The following STK32A variants were observed in gnomAD, a reference collection of about 807,000 sequenced individuals.
STK32A encodes serine/threonine-protein kinase 32A.
STK32A carries 41 observed loss-of-function variants against 53.2 expected under a neutral mutation model. The ratio of observed to expected loss-of-function variants is 0.77; its 90% confidence interval spans 0.60 to 1.00. STK32A has a LOEUF of 1.00. Ranked by LOEUF, STK32A falls within the 50% of genes least tolerant of loss-of-function variation. STK32A has a pLI of 0.00. For missense variants in STK32A, 458 were observed against 485.8 expected, an observed-to-expected ratio of 0.94 and a Z score of 0.54; for synonymous variants, 166 against 162.8, an observed-to-expected ratio of 1.02 and a Z score of -0.15.
chr5:147,336,660 T>G (rs1209356140), intron 5 of STK32A, among the ~76,000 whole-genome samples: 2 of 152,198 alleles, frequency 1.3e-5, no homozygotes, highest in East Asian at 1.9e-4. Flanking sequence ...CTTAGGAGGA[T>G]GATACCTAGT....
At chr5:147,377,284 T>A (rs2152006260) in intron 11 of STK32A, among the ~76,000 whole-genome samples, 1 of 152,254 alleles carries the variant, frequency 6.6e-6, no homozygotes, top group Admixed American at 6.5e-5. Flanking sequence ...TTCATTCCAA[T>A]TATTTCAGTC....
Position 147,384,445 on chromosome 5 carries a change from G to C in STK32A, c.*462G>C. 1.3e-6 allele frequency: 2 copies of C among 1,532,872 alleles called. No individual in the cohort carries two copies. The highest frequency in any genetic ancestry group is 1.7e-6 in the Non-Finnish European group (2 of 1,144,818). The allele number at this position is 1,532,872 out of a possible 1,614,324, so 95.0% of individuals were successfully genotyped here. A position where few individuals can be genotyped will look rare whatever the true frequency, so the allele number is the denominator to read the frequency against. ...CCTCGAAAGTTTCATAAAGTGGTCA[G>C]AATGCCCCAGGCTACTTGGATAAAG... On this transcript the variant is annotated 3_prime_UTR_variant, in exon 13 of 13. Coordinates refer to ENST00000397936, the MANE Select transcript of STK32A (RefSeq NM_001112724.2).
intron 5 of STK32A, among the ~76,000 whole-genome samples, chr5:147,337,289 C>T (rs1284830421): frequency 6.6e-6 from 1 of 152,182 alleles, no homozygotes; most frequent in Admixed American, 6.5e-5. Flanking sequence ...CCCTTTATCA[C>T]CCCCAAAATT....
intron 6 of STK32A, among the ~76,000 whole-genome samples, chr5:147,347,317 T>C (rs17106505): frequency 0.24 from 35,751 of 149,912 alleles, 5,493 homozygotes; most frequent in African/African-American, 0.44. Context: ...TCCCAAGCAA[T>C]AGAGGCAAAA....
intron 11 of STK32A, among the ~76,000 whole-genome samples, chr5:147,379,111 T>A (rs1375702345): frequency 6.6e-6 from 1 of 151,830 alleles, no homozygotes; most frequent in Non-Finnish European, 1.5e-5. Flanking sequence ...AGCAGTGGTT[T>A]GTATTTCTCC....
chr5:147,368,803 C>A (rs1247312403), intron 8 of STK32A, among the ~76,000 whole-genome samples: 2 of 152,014 alleles, frequency 1.3e-5, no homozygotes, highest in Non-Finnish European at 2.9e-5. Context: ...AAAATGTACA[C>A]ACTTAAACCA....
At chr5:147,257,947 C>T (rs1442887438) in intron 2 of STK32A, among the ~76,000 whole-genome samples, 1 of 151,974 alleles carries the variant, frequency 6.6e-6, no homozygotes, top group Non-Finnish European at 1.5e-5. Context: ...TTTCCTTTAG[C>T]ACCTATTTTT....
At chr5:147,330,911 G>T (rs534711712) in intron 5 of STK32A, among the ~76,000 whole-genome samples, 1 of 152,304 alleles carries the variant, frequency 6.6e-6, no homozygotes, top group East Asian at 1.9e-4. Context: ...TTTTAACTGA[G>T]GTCTTTAGTT....
chr5:147,306,844 G>A (rs1384389644), intron 4 of STK32A, among the ~76,000 whole-genome samples: 8 of 152,112 alleles, frequency 5.3e-5, no homozygotes, highest in African/African-American at 1.7e-4. Context: ...GCGTTTATCA[G>A]TAGGGAAAGT....
At chr5:147,260,289 TCGCC>T (rs1323512929) in intron 2 of STK32A, among the ~76,000 whole-genome samples, 9 of 97,646 alleles carry the variant, frequency 9.2e-5, no homozygotes, top group African/African-American at 3.9e-4. Context: ...TCTCTCTCTC[TCGCC>T]TGTCTCTCTC....
chr5:147,397,804 C>A, the STK32A span: 2 of 1,613,834 alleles, frequency 1.2e-6, no homozygotes, highest in Non-Finnish European at 1.7e-6. Context: ...CCAGAGGAGC[C>A]CCGCGCAGCT....
intron 8 of STK32A, among the ~76,000 whole-genome samples, chr5:147,364,582 G>T (rs955345066): frequency 1.3e-5 from 2 of 152,142 alleles, no homozygotes; most frequent in African/African-American, 4.8e-5. Flanking sequence ...TTAGGCAACA[G>T]AAATTTATTT....
intron 7 of STK32A, among the ~76,000 whole-genome samples, chr5:147,359,478 G>A (rs1474985460): frequency 1.3e-5 from 2 of 152,146 alleles, no homozygotes; most frequent in East Asian, 1.9e-4. Flanking sequence ...TAAACCCCAA[G>A]GATAATCCAA....
intron 8 of STK32A, among the ~76,000 whole-genome samples, chr5:147,366,854 G>C (rs1024826373): frequency 1.4e-5 from 2 of 142,146 alleles, no homozygotes; most frequent in Non-Finnish European, 3.0e-5. Flanking sequence ...AAAAATAGAA[G>C]TATGTTTTAC....
intron 2 of STK32A, among the ~76,000 whole-genome samples, chr5:147,252,041 AT>A (rs11426230): frequency 5.3e-5 from 8 of 149,872 alleles, no homozygotes; most frequent in East Asian, 2.0e-4. Flanking sequence ...CATCTCTACC[AT>A]TTTTTTTTTA....
chr5:147,334,951 CTA>C (rs1755045380), intron 5 of STK32A, among the ~76,000 whole-genome samples: 1 of 152,188 alleles, frequency 6.6e-6, no homozygotes, highest in African/African-American at 2.4e-5. Context: ...CCCATATATA[CTA>C]TGTTTTTTCC....
At chr5:147,242,146 T>A (rs1030142107) in intron 2 of STK32A, among the ~76,000 whole-genome samples, 4 of 152,228 alleles carry the variant, frequency 2.6e-5, no homozygotes, top group Non-Finnish European at 5.9e-5. Flanking sequence ...TTTTCTGTTG[T>A]CTGGCTTCTC....
At chr5:147,316,398 CA>C (rs1232931791) in intron 4 of STK32A, among the ~76,000 whole-genome samples, 2 of 152,126 alleles carry the variant, frequency 1.3e-5, no homozygotes, top group South Asian at 4.1e-4. Context: ...AGATAGCCAG[CA>C]ATATGTTTTC....
chr5:147,253,226 G>C (rs558262201), intron 2 of STK32A, among the ~76,000 whole-genome samples: 53 of 152,052 alleles, frequency 3.5e-4, no homozygotes, highest in African/African-American at 1.2e-3. Context: ...TTTGGCATGA[G>C]GGAAGAGATG....
Sources: gnomAD v4.1 joint callset for allele counts (sites outside exome capture counted in the v4.1 genomes callset) on GRCh38, gnomAD v4.1.1 for gene constraint, MANE v1.5 for transcripts, NCBI Gene and HGNC (gene_info 2026-07-23, HGNC 2026-07-21) for gene names.